Variants in DIAPH3 observed in about 807,000 individuals in gnomAD.
The protein encoded by DIAPH3 is protein diaphanous homolog 3.
DIAPH3 carries 117 observed loss-of-function variants against 144.3 expected under a neutral mutation model. The observed-to-expected ratio is 0.81, with a 90% confidence interval of 0.70 to 0.95. The LOEUF (loss-of-function observed/expected upper bound fraction) is 0.95. DIAPH3 is among the 40% of genes least tolerant of loss of function. The probability of loss-of-function intolerance (pLI) is 0.00; values close to 1 mark genes in which losing one functional copy is unlikely to be tolerated. For missense variants in DIAPH3, 1,421 were observed against 1,412.7 expected (o/e 1.01, Z -0.09); for synonymous variants, 519 against 488.9 (o/e 1.06, Z -0.81).
chr13:60,147,413 C>T (rs1951581794), intron 1 of DIAPH3: 1 of 152,232 alleles, frequency 6.6e-6, no homozygotes, highest in Non-Finnish European at 1.5e-5. Flanking sequence ...AAAATTTGCT[C>T]TTGGGCCTCC....
intron 27 of DIAPH3, among the ~76,000 whole-genome samples, chr13:59,756,318 T>G (rs1001174068): frequency 1.3e-5 from 2 of 152,054 alleles, no homozygotes; most frequent in Non-Finnish European, 2.9e-5. Flanking sequence ...GTAGGGTATA[T>G]AAACATAAAC....
intron 5 of DIAPH3, among the ~76,000 whole-genome samples, chr13:60,017,249 C>T (rs534089556): frequency 5.9e-5 from 9 of 151,560 alleles, no homozygotes; most frequent in East Asian, 3.9e-4. Flanking sequence ...ACTAAAAATA[C>T]GAAATTAGCC....
At chr13:59,982,050 C>T (rs896120483) in intron 13 of DIAPH3, among the ~76,000 whole-genome samples, 19 of 151,400 alleles carry the variant, frequency 1.3e-4, no homozygotes, top group Non-Finnish European at 2.1e-4. Flanking sequence ...GTGCCTCATG[C>T]TTTCCAATAC....
Position 59,774,774 on chromosome 13 carries a change from G to C in DIAPH3, c.3213C>G (p.Ser1071=). The C allele has an allele frequency of 1.2e-6, 2 of 1,614,096 alleles. No homozygotes were observed. The highest frequency in any genetic ancestry group is 1.7e-6 in the Non-Finnish European group (2 of 1,180,030). Residue 1071 remains serine, a synonymous_variant, in exon 26 of 28, where the codon TCC becomes TCG. Transcript: ENST00000400324. The part of the protein sequence containing the change: ...VMDNLLEALQ[S]GAAFRDRRKR... ...TTCTTCTGTCGCGGAAGGCAGCCCC[G>C]GACTGCAAGGCCTCCAGCAGATTAT...
chr13:60,134,240 T>C (rs1035371169), intron 1 of DIAPH3, among the ~76,000 whole-genome samples: 28 of 152,356 alleles, frequency 1.8e-4, no homozygotes, highest in Middle Eastern at 3.4e-3. Context: ...CCTTGTTGAA[T>C]TAGAATCACC....
chr13:59,977,577 C>T (rs1811259426), intron 14 of DIAPH3, among the ~76,000 whole-genome samples: 1 of 151,784 alleles, frequency 6.6e-6, no homozygotes, highest in Admixed American at 6.6e-5. Context: ...AAAAGACATA[C>T]TAGAGGCATG....
intron 7 of DIAPH3, 78 bp from the exon 8 acceptor site, chr13:60,010,747 T>TA: frequency 1.3e-5 from 19 of 1,420,374 alleles, no homozygotes; most frequent in South Asian, 2.5e-5. Flanking sequence ...ATGTAGTTAT[T>TA]AAAAAAAATT....
At chr13:59,928,414 T>C (rs1347841721) in intron 17 of DIAPH3, among the ~76,000 whole-genome samples, 1 of 152,198 alleles carries the variant, frequency 6.6e-6, no homozygotes, top group Non-Finnish European at 1.5e-5. Context: ...TATGGGAGAA[T>C]TACTATGTTC....
chr13:60,135,292 T>A (rs1290533132), intron 1 of DIAPH3, among the ~76,000 whole-genome samples: 2 of 151,686 alleles, frequency 1.3e-5, no homozygotes, highest in African/African-American at 4.8e-5. Flanking sequence ...AACTATCTCA[T>A]TGAGGGTATA....
In DIAPH3 at chr13:60,093,968, C is replaced by T. The variant is rs2058032810; in HGVS notation, c.391-236G>A. 2.0e-5 allele frequency among the ~76,000 whole-genome samples: 3 copies of T among 152,228 alleles called. No individual in the cohort carries two copies. In the South Asian group the frequency reaches 6.2e-4, roughly 32 times the overall value. On this transcript the variant is annotated intron_variant, in intron 3 of 27. Coordinates refer to ENST00000400324, the MANE Select transcript of DIAPH3 (RefSeq NM_001042517.2). ...ACTTACTAAAAGAACTTTTAAAATTCACAGCAGGCAAATAAAATTATATTC... is the reference window on the plus strand; with the variant it reads ...ACTTACTAAAAGAACTTTTAAAATTTACAGCAGGCAAATAAAATTATATTC...
At chr13:59,697,975 A>C (rs1338344310) in intron 27 of DIAPH3, among the ~76,000 whole-genome samples, 2 of 152,232 alleles carry the variant, frequency 1.3e-5, no homozygotes, top group Non-Finnish European at 2.9e-5. Context: ...TTTTGTTCAG[A>C]AGTAAATAAC....
Position 59,989,911 on chromosome 13 carries a change from C to T in DIAPH3, c.1361+1247G>A, listed in dbSNP as rs150379714. The stretch of plus-strand genomic sequence containing the variant: ...CAAACAGCATCAAACTTCCAGAAGA[C>T]GACAGGACTGACCACACACAGATCA... On this transcript the variant is annotated intron_variant, in intron 12 of 27. Coordinates refer to ENST00000400324, the MANE Select transcript of DIAPH3 (RefSeq NM_001042517.2). 8.0e-4 allele frequency among the ~76,000 whole-genome samples: 121 copies of T among 151,782 alleles called. 1 individual carries two copies. The East Asian group carries it at 0.019, about 23-fold the overall frequency.
chr13:60,041,485 A>C (rs1397646832), intron 5 of DIAPH3, among the ~76,000 whole-genome samples: 1 of 152,122 alleles, frequency 6.6e-6, no homozygotes, highest in Non-Finnish European at 1.5e-5. Flanking sequence ...GACTCATCAT[A>C]CTCCTTAGAT....
At chr13:59,789,068 G>A (rs2039190565) in intron 25 of DIAPH3, among the ~76,000 whole-genome samples, 1 of 152,202 alleles carries the variant, frequency 6.6e-6, no homozygotes, top group African/African-American at 2.4e-5. Context: ...AGTCGACCTT[G>A]TGTGTTATGT....
At chr13:59,694,177 G>A (rs2033677049) in intron 27 of DIAPH3, among the ~76,000 whole-genome samples, 1 of 152,080 alleles carries the variant, frequency 6.6e-6, no homozygotes, top group Non-Finnish European at 1.5e-5. Flanking sequence ...TCGAAGAATG[G>A]ACTTAGTCAA....
At position 59,999,733 on chromosome 13, in the gene DIAPH3, T is replaced by A. The variant is rs567575945; in HGVS notation, c.1015-7150A>T. Among the ~76,000 whole-genome samples, 25 of 152,010 alleles carry A rather than the reference T, an allele frequency of 1.6e-4. No homozygotes were observed. In the South Asian group the frequency reaches 5.0e-3, roughly 30 times the overall value. ...GGCAGCCTGAGACACTTTCACCCCATCTCCACTCCTTCCCACTCTCCTTCA... is the reference window on the plus strand; with the variant it reads ...GGCAGCCTGAGACACTTTCACCCCAACTCCACTCCTTCCCACTCTCCTTCA... On this transcript the variant is annotated intron_variant, in intron 9 of 27. Transcript: ENST00000400324.
chr13:59,925,197 C>T (rs892231119), intron 17 of DIAPH3, among the ~76,000 whole-genome samples: 1 of 152,058 alleles, frequency 6.6e-6, no homozygotes, highest in Admixed American at 6.6e-5. Flanking sequence ...ATACAGGATA[C>T]AGTTATAAAA....
chr13:59,881,370 G>C (rs1000538161), intron 20 of DIAPH3, among the ~76,000 whole-genome samples: 1 of 152,020 alleles, frequency 6.6e-6, no homozygotes, highest in Admixed American at 6.6e-5. Context: ...TAGCATCGCT[G>C]TTTTCAGTAA....
intron 5 of DIAPH3, among the ~76,000 whole-genome samples, chr13:60,020,693 T>A (rs925537046): frequency 1.3e-5 from 2 of 152,196 alleles, no homozygotes; most frequent in Non-Finnish European, 2.9e-5. Context: ...GGGCACACTG[T>A]ATTCTTGATA....
Sources: gnomAD v4.1 joint callset for allele counts (sites outside exome capture counted in the v4.1 genomes callset) on GRCh38, gnomAD v4.1.1 for gene constraint, MANE v1.5 for transcripts, NCBI Gene and HGNC (gene_info 2026-07-23, HGNC 2026-07-21) for gene names.